The following BCAS3 variants were observed in gnomAD, a reference collection of about 807,000 sequenced individuals.
The protein encoded by BCAS3 is BCAS4/BCAS3 fusion.
BCAS3 carries 53 observed loss-of-function variants against 116.1 expected under a neutral mutation model. The ratio of observed to expected loss-of-function variants is 0.46; its 90% CI spans 0.37 to 0.57. BCAS3 has a LOEUF of 0.57. Ranked by LOEUF, BCAS3 falls within the 20% of genes least tolerant of loss-of-function variation. BCAS3 has a pLI of 0.00. For missense variants in BCAS3, 917 were observed against 1,165.4 expected (o/e 0.79, Z 3.10); for synonymous variants, 391 against 408.2 (o/e 0.96, Z 0.51).
chr17:61,225,458 A>G (rs2082324370), intron 22 of BCAS3, among the ~76,000 whole-genome samples: 1 of 152,138 alleles, frequency 6.6e-6, no homozygotes, highest in Non-Finnish European at 1.5e-5. Context: ...GTTTGTCAAG[A>G]TCTCTCTAGA....
chr17:61,388,695 C>A lies in BCAS3; in HGVS notation c.2594-3282C>A, dbSNP rs549134725. ...ACCCAACAGTAACAAAGCATGCGTTCGGGATGGAGGAAGGTAAGGCCACAC... is the reference window on the plus strand; with the variant it reads ...ACCCAACAGTAACAAAGCATGCGTTAGGGATGGAGGAAGGTAAGGCCACAC... On this transcript the variant is annotated intron_variant, in intron 23 of 23. Coordinates refer to ENST00000407086, the MANE Select transcript of BCAS3 (RefSeq NM_017679.5). The surrounding 1 kb of genome is among the most constrained non-coding windows in gnomAD (Gnocchi z 6.5). The A allele has an allele frequency of 6.5e-7, 1 of 1,550,282 alleles. No homozygotes were observed. Among genetic ancestry groups the A allele is most frequent in the Admixed American group, 1.9e-5 (1 of 52,838 alleles).
intron 5 of BCAS3, among the ~76,000 whole-genome samples, chr17:60,721,122 G>A (rs146618246): frequency 3.2e-4 from 49 of 152,188 alleles, no homozygotes; most frequent in African/African-American, 1.0e-3. Context: ...AATAGACCTT[G>A]CCATGTTAAG....
At chr17:60,863,598 A>T (rs1012042170) in intron 7 of BCAS3, among the ~76,000 whole-genome samples, 1 of 151,990 alleles carries the variant, frequency 6.6e-6, no homozygotes, top group African/African-American at 2.4e-5. Flanking sequence ...AAAATAAAAT[A>T]AAAAAATTAG....
chr17:60,966,520 C>T (rs1175519702), intron 14 of BCAS3, among the ~76,000 whole-genome samples: 1 of 151,952 alleles, frequency 6.6e-6, no homozygotes, highest in African/African-American at 2.4e-5. Context: ...TACCAGGAGG[C>T]TTATAGAGAC....
intron 6 of BCAS3, among the ~76,000 whole-genome samples, chr17:60,803,514 A>G (rs2047997575): frequency 6.6e-6 from 1 of 152,184 alleles, no homozygotes; most frequent in Non-Finnish European, 1.5e-5. Flanking sequence ...TTGGGGTTAT[A>G]TATTTTTAAA....
chr17:60,832,711 G>A lies in BCAS3; in HGVS notation c.476+24635G>A, dbSNP rs2051044346. Among the ~76,000 whole-genome samples the A allele has an allele frequency of 2.6e-5, 4 of 152,106 alleles. No homozygotes were observed. The South Asian group carries it at 8.3e-4, about 32-fold the overall frequency. The stretch of plus-strand genomic sequence containing the variant: ...TTTTAAGGAGAATTTGGATCTTAAA[G>A]TGTGCTTTTCAAAATGAATTCTAAA... On this transcript the variant is annotated intron_variant, in intron 7 of 23. Coordinates refer to ENST00000407086, the MANE Select transcript of BCAS3 (RefSeq NM_017679.5).
chr17:60,842,110 G>A (rs2051999330), intron 7 of BCAS3, among the ~76,000 whole-genome samples: 1 of 152,096 alleles, frequency 6.6e-6, no homozygotes, highest in South Asian at 2.1e-4. Flanking sequence ...AAAAGTAATT[G>A]TAAAACATAC....
chr17:61,033,160 G>A (rs2066769170), intron 16 of BCAS3, among the ~76,000 whole-genome samples: 1 of 152,172 alleles, frequency 6.6e-6, no homozygotes, highest in Non-Finnish European at 1.5e-5. Context: ...TGTGATATGG[G>A]AAAGTACTGC....
At chr17:60,832,178 A>G (rs2050997695) in intron 7 of BCAS3, among the ~76,000 whole-genome samples, 2 of 152,246 alleles carry the variant, frequency 1.3e-5, no homozygotes, top group African/African-American at 4.8e-5. Context: ...CAAACTCTAC[A>G]AAGATAAATG....
chr17:61,174,599 C>T (rs1322380981), intron 22 of BCAS3, among the ~76,000 whole-genome samples: 1 of 152,134 alleles, frequency 6.6e-6, no homozygotes, highest in Non-Finnish European at 1.5e-5. Context: ...GCTGCTGTGA[C>T]TAGTTCTGTA....
intron 22 of BCAS3, among the ~76,000 whole-genome samples, chr17:61,177,392 T>C (rs536627116): frequency 1.3e-5 from 2 of 152,356 alleles, no homozygotes; most frequent in African/African-American, 2.4e-5. Flanking sequence ...GAATGAGTTC[T>C]TGATAAATGC....
chr17:60,858,057 T>C (rs2053833353), intron 7 of BCAS3, among the ~76,000 whole-genome samples: 1 of 152,124 alleles, frequency 6.6e-6, no homozygotes. Flanking sequence ...GGCTGCTTTT[T>C]TCCCCTCCTA....
Position 61,380,466 on chromosome 17 carries a change from T to G in BCAS3, c.2594-11511T>G, listed in dbSNP as rs1410032832. 2 of 1,565,946 alleles carry G rather than the reference T, an allele frequency of 1.3e-6. No individual in the cohort carries two copies. Among genetic ancestry groups the G allele is most frequent in the Non-Finnish European group, 1.7e-6 (2 of 1,152,492 alleles). The stretch of plus-strand genomic sequence containing the variant: ...CTTCCTGCTCTCTTAAAGGTCCAGT[T>G]TGTGATCCGCTTTAAAGGAATATTT... On this transcript the variant is annotated intron_variant, in intron 23 of 23. Coordinates refer to ENST00000407086, the MANE Select transcript of BCAS3 (RefSeq NM_017679.5). This position sits in a 1 kb window ranked among gnomAD's most constrained non-coding sequence, Gnocchi z 4.2.
intron 15 of BCAS3, among the ~76,000 whole-genome samples, chr17:61,009,321 A>T (rs966093176): frequency 6.6e-6 from 1 of 152,086 alleles, no homozygotes; most frequent in Non-Finnish European, 1.5e-5. Flanking sequence ...CAACAGAAGG[A>T]CAGTGCTCTT....
At chr17:61,212,701 G>A (rs1421955743) in intron 22 of BCAS3, among the ~76,000 whole-genome samples, 2 of 152,160 alleles carry the variant, frequency 1.3e-5, no homozygotes, top group African/African-American at 4.8e-5. Context: ...TAGGCAGTGA[G>A]ACTATGCTAG....
intron 23 of BCAS3, among the ~76,000 whole-genome samples, chr17:61,375,011 A>G (rs2059261574): frequency 6.6e-6 from 1 of 152,220 alleles, no homozygotes; most frequent in African/African-American, 2.4e-5. Context: ...CTTTAAGATT[A>G]TGTTCAACTA....
At chr17:61,153,571 A>C (rs1010030539) in intron 22 of BCAS3, among the ~76,000 whole-genome samples, 5 of 152,214 alleles carry the variant, frequency 3.3e-5, no homozygotes, top group African/African-American at 4.8e-5. Flanking sequence ...TCATAAGAGA[A>C]GTTAGCTTGT....
chr17:61,209,154 A>G (rs1004300292), intron 22 of BCAS3, among the ~76,000 whole-genome samples: 50 of 148,644 alleles, frequency 3.4e-4, no homozygotes, highest in African/African-American at 1.2e-3. Flanking sequence ...GAAGAAAAAA[A>G]AAAGGCCACC....
chr17:61,002,568 G>T (rs1419741026), intron 15 of BCAS3: 3 of 151,956 alleles, frequency 2.0e-5, no homozygotes, highest in Non-Finnish European at 4.4e-5. Context: ...TTTTTATTAT[G>T]TTTTCTGTGA....
Sources: gnomAD v4.1 joint callset for allele counts (sites outside exome capture counted in the v4.1 genomes callset) on GRCh38, gnomAD v4.1.1 for gene constraint, Gnocchi (gnomAD v3.1) non-coding constraint, MANE v1.5 for transcripts, NCBI Gene and HGNC (gene_info 2026-07-23, HGNC 2026-07-21) for gene names.